Variants in CMSS1 observed in about 807,000 individuals in gnomAD.
CMSS1 encodes protein CMSS1.
In CMSS1, 33 loss-of-function variants were observed where a neutral mutation model predicts 43.5. The observed-to-expected ratio is 0.76, with a 90% CI of 0.57 to 1.01. CMSS1 has a LOEUF of 1.01. CMSS1 is among the 50% of genes least tolerant of loss of function. The probability of loss-of-function intolerance (pLI) is 0.00; values close to 1 mark genes in which losing one functional copy is unlikely to be tolerated. For missense variants in CMSS1, 313 were observed against 326.4 expected (o/e 0.96, Z 0.32); for synonymous variants, 115 against 117.2 (o/e 0.98, Z 0.12).
intron 1 of CMSS1, among the ~76,000 whole-genome samples, chr3:100,015,766 G>C (rs1182888750): frequency 1.3e-5 from 2 of 152,108 alleles, no homozygotes; most frequent in East Asian, 3.8e-4. Context: ...CACACAGCCT[G>C]GTACACAGAA....
chr3:99,849,516 A>C (rs369205692), intron 1 of CMSS1: 2 of 1,613,256 alleles, frequency 1.2e-6, no homozygotes, highest in African/African-American at 2.7e-5. Context: ...CTTTTAATGC[A>C]TCCACTTCTC....
At chr3:99,991,311 TC>T (rs2107132285) in intron 1 of CMSS1, among the ~76,000 whole-genome samples, 1 of 152,254 alleles carries the variant, frequency 6.6e-6, no homozygotes, top group Admixed American at 6.5e-5. Context: ...CACACACCCT[TC>T]CAAAAGTTTT....
chr3:99,912,308 C>A lies in CMSS1; in HGVS notation c.64+94265C>A, dbSNP rs139335215. 1.8e-4 allele frequency among the ~76,000 whole-genome samples: 28 copies of A among 152,306 alleles called. No individual in the cohort carries two copies. In the East Asian group the frequency reaches 5.2e-3, roughly 28 times the overall value. On this transcript the variant is annotated intron_variant, in intron 1 of 9. Transcript: ENST00000421999. ...CCCAGAATAGGCAAAACCATAGAGA[C>A]AGAAAGGAGATCAGTGGTTTCTAGC...
At chr3:99,822,838 A>G (rs1489058087) in intron 1 of CMSS1, among the ~76,000 whole-genome samples, 1 of 152,184 alleles carries the variant, frequency 6.6e-6, no homozygotes, top group Non-Finnish European at 1.5e-5. Flanking sequence ...TGTTCTAGTT[A>G]ATTTAATCTT....
intron 1 of CMSS1, among the ~76,000 whole-genome samples, chr3:99,879,173 T>C (rs935147384): frequency 6.6e-6 from 1 of 152,232 alleles, no homozygotes; most frequent in Non-Finnish European, 1.5e-5. Flanking sequence ...TTTAAACTGT[T>C]ATTTAGAAAT....
At chr3:100,098,885 T>G (rs973767352) in intron 1 of CMSS1, among the ~76,000 whole-genome samples, 13 of 152,212 alleles carry the variant, frequency 8.5e-5, no homozygotes, top group Non-Finnish European at 1.3e-4. Context: ...AAGAAATATT[T>G]TTGATTCATT....
At chr3:99,974,408 G>T (rs1708908682) in intron 1 of CMSS1, among the ~76,000 whole-genome samples, 2 of 152,090 alleles carry the variant, frequency 1.3e-5, no homozygotes, top group African/African-American at 4.8e-5. Flanking sequence ...TAGAAAGCAG[G>T]AATAAAAACT....
intron 1 of CMSS1, chr3:99,848,546 A>G: frequency 6.2e-7 from 1 of 1,614,118 alleles, no homozygotes; most frequent in South Asian, 1.1e-5. Context: ...GAACGCTGAA[A>G]CTGCCATGAT....
At chr3:100,014,883 TTTTCTTTCTTTC>T (rs1576642166) in intron 1 of CMSS1, among the ~76,000 whole-genome samples, 13 of 125,292 alleles carry the variant, frequency 1.0e-4, no homozygotes, top group Non-Finnish European at 2.1e-4. Context: ...TCTTTTTTTT[TTTTCTTTCTTTC>T]TTTTTTTTTT....
chr3:99,951,935 T>G (rs553219718), intron 1 of CMSS1, among the ~76,000 whole-genome samples: 1 of 152,354 alleles, frequency 6.6e-6, no homozygotes, highest in African/African-American at 2.4e-5. Context: ...TAGATGAGGT[T>G]CTGAAGTAAT....
chr3:100,176,251 G>T, intron 8 of CMSS1, 76 bp from the exon 9 acceptor site: 2 of 1,029,802 alleles, frequency 1.9e-6, no homozygotes, highest in Admixed American at 2.0e-5. Context: ...AAAGTAACCC[G>T]GAGAATAAAA....
chr3:100,126,929 C>T (rs953071223), intron 1 of CMSS1, among the ~76,000 whole-genome samples: 4 of 151,458 alleles, frequency 2.6e-5, no homozygotes, highest in Admixed American at 1.3e-4. Flanking sequence ...ACCCGGGAGG[C>T]GGAGCTTGCA....
chr3:99,851,152 G>A (rs1943678063), intron 1 of CMSS1: 2 of 1,130,070 alleles, frequency 1.8e-6, no homozygotes, highest in Non-Finnish European at 2.5e-6. Context: ...ATGTAATTTA[G>A]AAATTATGTA....
chr3:100,034,872 G>GT (rs958002846), intron 1 of CMSS1, among the ~76,000 whole-genome samples: 2 of 152,084 alleles, frequency 1.3e-5, no homozygotes, highest in South Asian at 2.1e-4. Flanking sequence ...TGTTTGTGGT[G>GT]TTTTTTCTCA....
At chr3:100,102,033 G>A (rs1295920081) in intron 1 of CMSS1, among the ~76,000 whole-genome samples, 1 of 152,110 alleles carries the variant, frequency 6.6e-6, no homozygotes, top group Non-Finnish European at 1.5e-5. Context: ...TTGGACATTT[G>A]GCTTGGTTCC....
intron 1 of CMSS1, among the ~76,000 whole-genome samples, chr3:99,937,875 A>AT (rs1707729402): frequency 1.3e-5 from 2 of 152,234 alleles, no homozygotes; most frequent in African/African-American, 4.8e-5. Flanking sequence ...GCTTCAGTTC[A>AT]TTTATCTTAT....
At chr3:99,989,797 TAGAA>T (rs899769384) in intron 1 of CMSS1, among the ~76,000 whole-genome samples, 1 of 152,062 alleles carries the variant, frequency 6.6e-6, no homozygotes, top group African/African-American at 2.4e-5. Context: ...ATTGATTTGA[TAGAA>T]AGGAAAATGG....
At chr3:100,175,864 T>C (rs1261583384) in intron 8 of CMSS1, among the ~76,000 whole-genome samples, 1 of 152,132 alleles carries the variant, frequency 6.6e-6, no homozygotes, top group East Asian at 1.9e-4. Context: ...AGCCTATTCA[T>C]CTCAACTTCC....
chr3:100,146,184 C>T (rs1245879947), intron 1 of CMSS1, among the ~76,000 whole-genome samples: 1 of 152,238 alleles, frequency 6.6e-6, no homozygotes, highest in Non-Finnish European at 1.5e-5. Context: ...TAAGAACCTT[C>T]TGGTCACCGT....
Sources: allele counts gnomAD v4.1 joint callset (sites outside exome capture counted in the v4.1 genomes callset), GRCh38; gene constraint gnomAD v4.1.1; transcripts MANE v1.5; gene names NCBI Gene and HGNC (gene_info 2026-07-23, HGNC 2026-07-21).